The following TRPM3 variants were observed in gnomAD, a reference collection of about 807,000 sequenced individuals.
TRPM3 encodes the protein transient receptor potential cation channel subfamily M member 3, also known as long transient receptor potential channel 3.
A neutral mutation model predicts 181.2 loss-of-function variants in TRPM3; 77 were observed. The ratio of observed to expected loss-of-function variants is 0.42; its 90% CI spans 0.35 to 0.51. The LOEUF (loss-of-function observed/expected upper bound fraction) is 0.51, where lower values mean the gene tolerates loss of function less well. TRPM3 is among the 20% of genes least tolerant of loss of function. The pLI is 0.01. For missense variants in TRPM3, 1,759 were observed against 2,196.7 expected (o/e 0.80, Z 3.98); for synonymous variants, 745 against 796.4 (o/e 0.94, Z 1.09).
intron 9 of TRPM3, among the ~76,000 whole-genome samples, chr9:70,658,398 A>G (rs1050634929): frequency 6.6e-6 from 1 of 152,168 alleles, no homozygotes; most frequent in Non-Finnish European, 1.5e-5. Context: ...CCTAAAGTCC[A>G]AAAATGACAT....
At chr9:71,229,854 T>C (rs989147105) in intron 1 of TRPM3, among the ~76,000 whole-genome samples, 2 of 151,808 alleles carry the variant, frequency 1.3e-5, no homozygotes, top group Admixed American at 1.3e-4. Flanking sequence ...ATTAGTACAA[T>C]CACTGTGGAA....
intron 1 of TRPM3, among the ~76,000 whole-genome samples, chr9:71,097,471 CA>C (rs2067520085): frequency 1.3e-5 from 2 of 152,004 alleles, no homozygotes; most frequent in Non-Finnish European, 2.9e-5. Flanking sequence ...AATATACGTA[CA>C]TTTTTTAGTT....
chr9:71,170,776 C>A (rs2093763635), intron 1 of TRPM3, among the ~76,000 whole-genome samples: 1 of 152,130 alleles, frequency 6.6e-6, no homozygotes, highest in Non-Finnish European at 1.5e-5. Flanking sequence ...ATTGCATTAA[C>A]TGCACAAATT....
chr9:70,764,171 C>A (rs2078667911), intron 7 of TRPM3, among the ~76,000 whole-genome samples: 2 of 152,168 alleles, frequency 1.3e-5, no homozygotes, highest in Non-Finnish European at 2.9e-5. Flanking sequence ...AGAAGGATGG[C>A]ATGATCACAT....
intron 22 of TRPM3, among the ~76,000 whole-genome samples, chr9:70,554,131 G>C (rs1392128435): frequency 1.3e-5 from 2 of 152,128 alleles, no homozygotes; most frequent in Non-Finnish European, 2.9e-5. Context: ...GGCTGTGTGT[G>C]AGTAATGTGC....
intron 1 of TRPM3, among the ~76,000 whole-genome samples, chr9:71,347,434 T>C (rs1359029701): frequency 5.3e-5 from 8 of 152,234 alleles, no homozygotes; most frequent in Non-Finnish European, 1.2e-4. Flanking sequence ...TTCAATTTTT[T>C]AGTTAATTTA....
In TRPM3 at chr9:70,529,399, A is replaced by G. The variant is rs1238644094; in HGVS notation, c.*6554T>C. 6.6e-6 allele frequency: 1 copy of G among 152,200 alleles called. No homozygotes were observed. Among genetic ancestry groups the G allele is most frequent in the African/African-American group, 2.4e-5 (1 of 41,452 alleles). The allele number at this position is 152,200 out of a possible 1,614,324, so 9.4% of individuals were successfully genotyped here. A position where few individuals can be genotyped will look rare whatever the true frequency, so the allele number is the denominator to read the frequency against. On this transcript the variant is annotated 3_prime_UTR_variant, in exon 26 of 26. Coordinates refer to ENST00000677713, the MANE Select transcript of TRPM3 (RefSeq NM_001366145.2). ...ATCTGAATAATTTCCCCCATTATAA[A>G]CTAGGGTTAGAACGTTTACAAATGA... is the stretch of plus-strand genomic sequence containing the variant.
intron 1 of TRPM3, among the ~76,000 whole-genome samples, chr9:71,141,401 C>G (rs895485180): frequency 6.6e-6 from 1 of 152,108 alleles, no homozygotes; most frequent in Non-Finnish European, 1.5e-5. Flanking sequence ...AAAACCACCC[C>G]TACAGTTCAA....
chr9:71,023,715 A>T (rs529529959), intron 1 of TRPM3, among the ~76,000 whole-genome samples: 29 of 152,148 alleles, frequency 1.9e-4, no homozygotes, highest in Non-Finnish European at 3.4e-4. Flanking sequence ...AAAAAAAAAA[A>T]AAGTCAAACT....
At chr9:70,768,027 A>C (rs2079486170) in intron 7 of TRPM3, among the ~76,000 whole-genome samples, 1 of 152,166 alleles carries the variant, frequency 6.6e-6, no homozygotes, top group Non-Finnish European at 1.5e-5. Flanking sequence ...ATATACACTG[A>C]AGGAATATAT....
intron 1 of TRPM3, among the ~76,000 whole-genome samples, chr9:71,413,557 G>C (rs2093593487): frequency 6.6e-6 from 1 of 152,046 alleles, no homozygotes; most frequent in South Asian, 2.1e-4. Flanking sequence ...AGTGCTTACT[G>C]AATACTATGG....
intron 1 of TRPM3, among the ~76,000 whole-genome samples, chr9:71,355,627 T>C (rs2091864439): frequency 6.7e-6 from 1 of 150,260 alleles, no homozygotes; most frequent in Admixed American, 6.6e-5. Context: ...CCCCCTGTGG[T>C]TATTTGAGGC....
chr9:70,824,925 A>C (rs1782059009), intron 6 of TRPM3: 1 of 152,022 alleles, frequency 6.6e-6, no homozygotes, highest in Non-Finnish European at 1.5e-5. Flanking sequence ...CTCAGTGAGC[A>C]TTTTTTGCTG....
intron 1 of TRPM3, among the ~76,000 whole-genome samples, chr9:71,173,109 C>T (rs1316584565): frequency 6.6e-6 from 1 of 152,124 alleles, no homozygotes; most frequent in African/African-American, 2.4e-5. Flanking sequence ...CCTTATGTAC[C>T]TAATTTTTTG....
rs922905942 is a variant in TRPM3 at position 70,564,577 on chromosome 9, G to A, written c.3224-11267C>T. ...TTAGGGTATTAGAGTATTCAAAGAGGGAAGAGCCAGGGCCCTCTTCAAGAG... is the reference window on the plus strand; with the variant it reads ...TTAGGGTATTAGAGTATTCAAAGAGAGAAGAGCCAGGGCCCTCTTCAAGAG... On this transcript the variant is annotated intron_variant, in intron 22 of 25. Transcript: ENST00000677713. Among the ~76,000 whole-genome samples the A allele has an allele frequency of 2.0e-5, 3 of 152,120 alleles. No individual in the cohort carries two copies. In the East Asian group the frequency reaches 5.8e-4, roughly 29 times the overall value.
chr9:70,538,987 CAA>C (rs1212373037), intron 25 of TRPM3, among the ~76,000 whole-genome samples: 1 of 152,210 alleles, frequency 6.6e-6, no homozygotes, highest in Non-Finnish European at 1.5e-5. Flanking sequence ...TGTCCAAAGA[CAA>C]ACCTTTTGGT....
chr9:70,894,130 C>T (rs2096250036), intron 1 of TRPM3, among the ~76,000 whole-genome samples: 1 of 152,168 alleles, frequency 6.6e-6, no homozygotes, highest in African/African-American at 2.4e-5. Flanking sequence ...ATTTTAATAC[C>T]ATCACGTGCT....
intron 5 of TRPM3, among the ~76,000 whole-genome samples, chr9:70,832,154 A>AG (rs1459118748): frequency 0.014 from 990 of 72,126 alleles, 8 homozygotes; most frequent in Non-Finnish European, 0.02. Context: ...GGGTGGGGGG[A>AG]GGGGGGAGGG....
chr9:71,349,966 T>TGC (rs2091514402), intron 1 of TRPM3, among the ~76,000 whole-genome samples: 1 of 94,140 alleles, frequency 1.1e-5, no homozygotes, highest in Non-Finnish European at 2.1e-5. Context: ...TCATTGTAAG[T>TGC]GCATATATAT....
Sources: gnomAD v4.1 joint callset for allele counts (sites outside exome capture counted in the v4.1 genomes callset) on GRCh38, gnomAD v4.1.1 for gene constraint, MANE v1.5 for transcripts, NCBI Gene and HGNC (gene_info 2026-07-23, HGNC 2026-07-21) for gene names.